WRN: variants seen among roughly 807,000 people sequenced by gnomAD.
WRN encodes the protein WRN RecQ like helicase.
Under a neutral mutation model 180.7 loss-of-function variants are expected in WRN, and 149 were observed. That is an observed-to-expected ratio of 0.82 (90% CI 0.72 to 0.94). The LOEUF (loss-of-function observed/expected upper bound fraction) is 0.94. WRN is among the 40% of genes least tolerant of loss of function. WRN has a pLI of 0.00. For synonymous variants in WRN, 548 were observed against 568.9 expected, an observed-to-expected ratio of 0.96 and a Z score of 0.52; for missense variants, 1,661 against 1,700.1, an observed-to-expected ratio of 0.98 and a Z score of 0.40.
intron 16 of WRN, 90 bp from the exon 17 acceptor site, chr8:31,096,678 T>C (rs1161527852): frequency 9.4e-7 from 1 of 1,059,116 alleles, no homozygotes; most frequent in Non-Finnish European, 1.4e-6. Flanking sequence ...TTTTAAGTTG[T>C]AATTCCTTGA....
intron 18 of WRN, 51 bp downstream of exon 18, chr8:31,101,006 G>A (rs749015434): frequency 3.0e-5 from 44 of 1,489,906 alleles, no homozygotes; most frequent in East Asian, 1.6e-4. Context: ...AATAAGGAGA[G>A]CATTCAGGAT....
chr8:31,171,334 A>G (rs985882796), intron 34 of WRN: 1 of 144,294 alleles, frequency 6.9e-6, no homozygotes, highest in Admixed American at 6.8e-5. Flanking sequence ...CAAATTTACA[A>G]GAAAAAAAAA....
intron 33 of WRN, among the ~76,000 whole-genome samples, chr8:31,159,652 G>T (rs1344616485): frequency 6.7e-6 from 1 of 148,632 alleles, no homozygotes; most frequent in African/African-American, 2.5e-5. Context: ...TTAAAAAAAG[G>T]TGTTGCGCCA....
intron 18 of WRN, 54 bp from the exon 19 acceptor site, chr8:31,111,561 G>A: frequency 1.3e-6 from 2 of 1,585,052 alleles, no homozygotes; most frequent in Middle Eastern, 1.7e-4. Context: ...CTATAGACAT[G>A]TTGGGAATGA....
rs1165976784 is a variant in WRN at position 31,175,035 on chromosome 8, T to G, written c.*1933T>G. ...CTTTTCTAATGAGATGGATAGTAAT[T>G]AACAAATGTGAGTTTTTGATATTAT... On this transcript the variant is annotated 3_prime_UTR_variant, in exon 35 of 35. Transcript: ENST00000298139. Among the ~76,000 whole-genome samples, 2 of 151,914 alleles carry G rather than the reference T, an allele frequency of 1.3e-5. No individual in the cohort carries two copies. Among genetic ancestry groups the G allele is most frequent in the Non-Finnish European group, 2.9e-5 (2 of 67,986 alleles).
intron 33 of WRN, among the ~76,000 whole-genome samples, chr8:31,160,409 C>G (rs1299624498): frequency 2.0e-5 from 3 of 152,186 alleles, no homozygotes; most frequent in African/African-American, 7.2e-5. Context: ...TATGAGAAAG[C>G]TGGCCAACTC....
In WRN at chr8:31,094,055, A is replaced by G. The variant is rs77443367; in HGVS notation, c.1898+2157A>G. On this transcript the variant is annotated intron_variant, in intron 16 of 34. Transcript: ENST00000298139. ...TTGGGTTATTACAAATAAAACTGCT[A>G]TGAACATTCGTATGTAAGTCTTTGT... Among the ~76,000 whole-genome samples the G allele has an allele frequency of 2.9e-4, 44 of 152,348 alleles. 1 individual carries two copies. In the East Asian group the frequency reaches 7.9e-3, roughly 27 times the overall value.
chr8:31,037,375 C>T lies in WRN; in HGVS notation c.-77+3402C>T, dbSNP rs139337333. Among the ~76,000 whole-genome samples, 69 of 152,344 alleles carry T rather than the reference C, an allele frequency of 4.5e-4. No individual in the cohort carries two copies. In the East Asian group the frequency reaches 6.9e-3, roughly 15 times the overall value. On this transcript the variant is annotated intron_variant, in intron 1 of 34. Transcript: ENST00000298139. Reference sequence around the variant, plus strand: ...GAAAAATGAAGCTTCGCTTGCTTGCCTGCTGCTCACCTACTGCTTTGTGGC... The same window carrying T: ...GAAAAATGAAGCTTCGCTTGCTTGCTTGCTGCTCACCTACTGCTTTGTGGC...
intron 7 of WRN, among the ~76,000 whole-genome samples, chr8:31,074,882 G>C (rs1813041399): frequency 6.6e-6 from 1 of 152,122 alleles, no homozygotes; most frequent in Non-Finnish European, 1.5e-5. Flanking sequence ...ATTTGGTTCT[G>C]CAAGTGTCAA....
intron 7 of WRN, among the ~76,000 whole-genome samples, chr8:31,073,128 T>C (rs995874394): frequency 1.3e-5 from 2 of 152,218 alleles, no homozygotes; most frequent in South Asian, 2.1e-4. Context: ...AAGAATGATA[T>C]AATTAAAATT....
At chr8:31,064,520 C>A in intron 4 of WRN, 86 bp downstream of exon 4, 1 of 1,554,570 alleles carries the variant, frequency 6.4e-7, no homozygotes, top group South Asian at 1.1e-5. Context: ...CTTTTATTAG[C>A]TGGCCGTTCT....
Position 31,163,558 on chromosome 8 carries a change from A to G in WRN, c.3983-3464A>G, listed in dbSNP as rs539484379. Among the ~76,000 whole-genome samples, 27 of 152,332 alleles carry G rather than the reference A, an allele frequency of 1.8e-4. No individual in the cohort carries two copies. In the South Asian group the frequency reaches 4.8e-3, roughly 27 times the overall value. ...AATATGCAATTTCTAATCCTGATATAGGATATGGGTATATAAACTCTAACT... is the reference window on the plus strand; with the variant it reads ...AATATGCAATTTCTAATCCTGATATGGGATATGGGTATATAAACTCTAACT... On this transcript the variant is annotated intron_variant, in intron 33 of 34. Transcript: ENST00000298139.
rs1813090020 is a variant in WRN, at chr8:31,076,260, C to G, written c.812C>G (p.Ala271Gly). Residue 271 changes from alanine (A) to glycine (G), a missense_variant, in exon 8 of 35, where the codon GCT becomes GGT. Around this residue, in one of 3 missense-constraint regions of WRN, gnomAD observed 500 missense variants for 504.1 expected, o/e 0.99. Coordinates refer to ENST00000298139, the MANE Select transcript of WRN (RefSeq NM_000553.6). ...GATCTGGCTAAGCATCTTCCTCATG[C>G]TTTCAGTAAATTGGAAAACCCACGG... ...VMDLAKHLPH[A>G]FSKLENPRRV... 6.2e-7 allele frequency: 1 copy of G among 1,613,120 alleles called. No individual in the cohort carries two copies. The highest frequency in any genetic ancestry group is 8.5e-7 in the Non-Finnish European group (1 of 1,179,724).
In WRN at chr8:31,141,583, T is replaced by C. The variant is rs2130416100; in HGVS notation, c.3121T>C (p.Cys1041Arg). ...TCGGTATAACAAATTTATGAAGATT[T>C]GCGCCCTTACGAAAAAGGTAAACGG... ...VSRYNKFMKI[C>R]ALTKKGRNWL... The change falls in exon 25 of 35, where the codon TGC becomes CGC. Residue 1041 changes from cysteine (C) to arginine (R), a missense_variant. This residue lies in a region of WRN where 1,141 missense variants were observed against 1,149.4 expected (regional missense o/e 0.99). Coordinates refer to ENST00000298139, the MANE Select transcript of WRN (RefSeq NM_000553.6). 6.2e-7 allele frequency: 1 copy of C among 1,614,180 alleles called. No homozygotes were observed. Among genetic ancestry groups the C allele is most frequent in the Non-Finnish European group, 8.5e-7 (1 of 1,180,034 alleles).
intron 8 of WRN, among the ~76,000 whole-genome samples, chr8:31,077,389 C>T (rs538719749): frequency 3.0e-4 from 44 of 147,712 alleles, no homozygotes; most frequent in African/African-American, 9.5e-4. Context: ...TACCGGCGCC[C>T]GCCACCCCAC....
intron 1 of WRN, among the ~76,000 whole-genome samples, chr8:31,056,547 T>C (rs1334524828): frequency 1.3e-5 from 2 of 152,206 alleles, no homozygotes; most frequent in Non-Finnish European, 2.9e-5. Context: ...TCTGTGAATA[T>C]AGGCAAGCAC....
intron 1 of WRN, among the ~76,000 whole-genome samples, chr8:31,039,131 C>A (rs1016127481): frequency 6.6e-6 from 1 of 152,160 alleles, no homozygotes; most frequent in Non-Finnish European, 1.5e-5. Context: ...ATAGGGATTG[C>A]ATTGAATCTG....
At chr8:31,083,882 T>C (rs1272387511) in intron 10 of WRN, 103 bp downstream of exon 10, 21 of 1,212,064 alleles carry the variant, frequency 1.7e-5, no homozygotes, top group Non-Finnish European at 2.5e-5. Context: ...CACAATGAAA[T>C]TGCTACTAAT....
chr8:31,084,598 C>G (rs975246315), intron 10 of WRN, among the ~76,000 whole-genome samples: 2 of 151,926 alleles, frequency 1.3e-5, no homozygotes, highest in African/African-American at 4.8e-5. Context: ...CACTTGGTTC[C>G]TGGAGATTGC....
Sources: gnomAD v4.1 joint callset for allele counts (sites outside exome capture counted in the v4.1 genomes callset) on GRCh38, gnomAD v4.1.1 for gene constraint, gnomAD v4.1.1 regional missense constraint, MANE v1.5 for transcripts, NCBI Gene and HGNC (gene_info 2026-07-23, HGNC 2026-07-21) for gene names.